The following HEATR5B variants were observed in gnomAD, a reference collection of about 807,000 sequenced individuals.
HEATR5B encodes the protein HEAT repeat-containing protein 5B.
A neutral mutation model predicts 224.1 loss-of-function variants in HEATR5B; 156 were observed. That is an observed-to-expected ratio of 0.70 (90% CI 0.61 to 0.80). The LOEUF (loss-of-function observed/expected upper bound fraction) is 0.80, where lower values mean the gene tolerates loss of function less well. Ranked by LOEUF, HEATR5B falls within the 30% of genes least tolerant of loss-of-function variation. The pLI, the probability that HEATR5B is intolerant of heterozygous loss-of-function variation, is 0.00. For synonymous variants in HEATR5B, 1,027 were observed against 893.0 expected (o/e 1.15, Z -2.68); for missense variants, 2,323 against 2,535.5 (o/e 0.92, Z 1.80).
intron 21 of HEATR5B, among the ~76,000 whole-genome samples, chr2:37,034,287 T>C (rs1454193977): frequency 6.8e-6 from 1 of 147,154 alleles, no homozygotes; most frequent in Non-Finnish European, 1.5e-5. Context: ...ATTACAGGCG[T>C]GAGCCACCGC....
intron 18 of HEATR5B, among the ~76,000 whole-genome samples, chr2:37,047,177 CA>C (rs531378377): frequency 8.0e-4 from 109 of 136,552 alleles, no homozygotes; most frequent in Admixed American, 8.2e-4. Flanking sequence ...GATCCCATCT[CA>C]AAAAAAAAAA....
chr2:36,994,852 G>T (rs1265073919), intron 33 of HEATR5B, among the ~76,000 whole-genome samples: 1 of 151,472 alleles, frequency 6.6e-6, no homozygotes, highest in Non-Finnish European at 1.5e-5. Flanking sequence ...CCGGGTTCAC[G>T]CCATGCTCCT....
At chr2:37,008,409 C>T in intron 28 of HEATR5B, 1 of 591,212 alleles carries the variant, frequency 1.7e-6, no homozygotes, top group African/African-American at 1.9e-5. Context: ...AATATGTTTG[C>T]TTCAGCCAAC....
At chr2:37,042,392 GCACCAAGAAGGA>G (rs1178353474) in intron 18 of HEATR5B, among the ~76,000 whole-genome samples, 2 of 152,104 alleles carry the variant, frequency 1.3e-5, no homozygotes, top group Non-Finnish European at 2.9e-5. Flanking sequence ...CTAGTTTTAG[GCACCAAGAAGGA>G]TAAGAACATC....
intron 5 of HEATR5B, among the ~76,000 whole-genome samples, chr2:37,073,161 A>AC: frequency 6.6e-6 from 1 of 152,296 alleles, no homozygotes; most frequent in East Asian, 1.9e-4. Context: ...GAAACTACAT[A>AC]CCCATATCCC....
intron 12 of HEATR5B, among the ~76,000 whole-genome samples, chr2:37,059,432 G>C (rs866731971): frequency 1.2e-5 from 1 of 82,178 alleles, no homozygotes; most frequent in Admixed American, 1.3e-4. Context: ...GTGTGTGTGT[G>C]TGTGTGTGTG....
At chr2:36,985,606 T>G (rs527688137) in intron 35 of HEATR5B, among the ~76,000 whole-genome samples, 1 of 147,780 alleles carries the variant, frequency 6.8e-6, no homozygotes, top group Non-Finnish European at 1.5e-5. Context: ...TACAGGCATG[T>G]GCCACCACTC....
At chr2:36,994,755 ATTTAT>A (rs1666574545) in intron 33 of HEATR5B, among the ~76,000 whole-genome samples, 2 of 150,592 alleles carry the variant, frequency 1.3e-5, no homozygotes, top group Non-Finnish European at 3.0e-5. Context: ...ACAAATTCTT[ATTTAT>A]TTATTTTTTG....
At chr2:37,075,713 T>C (rs934169500) in intron 4 of HEATR5B, 79 bp from the exon 5 acceptor site, 2 of 1,110,654 alleles carry the variant, frequency 1.8e-6, no homozygotes, top group African/African-American at 3.2e-5. Context: ...ACAAAAGTTC[T>C]TTGGGTCTAA....
intron 7 of HEATR5B, among the ~76,000 whole-genome samples, 173 bp from the exon 8 acceptor site, chr2:37,069,103 T>C (rs1441645925): frequency 2.6e-5 from 4 of 152,244 alleles, no homozygotes; most frequent in African/African-American, 7.2e-5. Flanking sequence ...ATACGAATTA[T>C]TAGTGAAGTA....
chr2:37,048,672 T>C (rs774121932), intron 18 of HEATR5B, among the ~76,000 whole-genome samples: 1 of 152,132 alleles, frequency 6.6e-6, no homozygotes, highest in African/African-American at 2.4e-5. Context: ...TGGCAAATAT[T>C]TGGAAAGAGG....
intron 22 of HEATR5B, among the ~76,000 whole-genome samples, chr2:37,032,032 C>T (rs1414642099): frequency 6.6e-6 from 1 of 152,140 alleles, no homozygotes; most frequent in African/African-American, 2.4e-5. Context: ...TGCTACCAAA[C>T]ATCTACTGAC....
Position 37,060,624 on chromosome 2 carries a change from A to G in HEATR5B, c.1806T>C (p.Phe602=), listed in dbSNP as rs978504446. 5 of 1,613,976 alleles carry G rather than the reference A, an allele frequency of 3.1e-6. No individual in the cohort carries two copies. The highest frequency in any genetic ancestry group is 1.3e-5 in the African/African-American group (1 of 75,050). The change falls in exon 12 of 36, where the codon TTT becomes TTC. Residue 602 remains phenylalanine, a synonymous_variant. Coordinates refer to ENST00000233099, the MANE Select transcript of HEATR5B (RefSeq NM_019024.3). ...GACCTTCCAAAGTTACCTGCCAGGT[A>G]AAAGAATCGCCTCGGGCCTTCTCAG... is the stretch of plus-strand genomic sequence containing the variant. ...LEAEKARGDS[F]TWQVTLEGRA... is the part of the protein sequence containing the mutation.
chr2:37,084,153 C>G (rs1475104636), intron 1 of HEATR5B, 116 bp downstream of exon 1: 1 of 208,276 alleles, frequency 4.8e-6, no homozygotes, highest in Non-Finnish European at 9.5e-6. Flanking sequence ...GAACTAAGCA[C>G]GGAGCCAGAA....
Position 36,988,712 on chromosome 2 carries a change from G to C in HEATR5B, c.5845C>G (p.Leu1949Val), listed in dbSNP as rs765893925. ...ERNRPASNIELLAVQEGIKVL... is the reference protein window; with the variant it reads ...ERNRPASNIEVLAVQEGIKVL... ...TTTATTCCTTCTTGAACCGCTAAAA[G>C]CTCTATGTTACTGGCTGGTCTGTTT... The change falls in exon 35 of 36, where the codon CTT (leucine) becomes GTT (valine). Residue 1949 changes from leucine (L) to valine (V), a missense_variant. Transcript: ENST00000233099. The C allele has an allele frequency of 2.5e-6, 4 of 1,614,076 alleles. No individual in the cohort carries two copies. Among genetic ancestry groups the C allele is most frequent in the Admixed American group, 3.3e-5 (2 of 60,000 alleles).
At chr2:37,021,886 CAAAA>C (rs3080799) in intron 24 of HEATR5B, among the ~76,000 whole-genome samples, 4 of 126,472 alleles carry the variant, frequency 3.2e-5, no homozygotes, top group African/African-American at 2.9e-5. Context: ...GACCCTGTTT[CAAAA>C]AAAAAAAAAA....
intron 26 of HEATR5B, among the ~76,000 whole-genome samples, chr2:37,018,502 A>G (rs1450936153): frequency 6.6e-6 from 1 of 152,200 alleles, no homozygotes; most frequent in Admixed American, 6.5e-5. Flanking sequence ...CTGTCCGTGG[A>G]AAGAGTTAAT....
At chr2:36,983,471 G>C (rs750704896) in intron 35 of HEATR5B, among the ~76,000 whole-genome samples, 1 of 151,572 alleles carries the variant, frequency 6.6e-6, no homozygotes, top group Admixed American at 6.6e-5. Context: ...TCTGGAAGGC[G>C]GAGGTTGTGG....
intron 22 of HEATR5B, among the ~76,000 whole-genome samples, chr2:37,031,306 T>A (rs931579555): frequency 2.0e-5 from 3 of 152,284 alleles, no homozygotes; most frequent in African/African-American, 7.2e-5. Context: ...AACATACTCA[T>A]TTGTAAAAGC....
Sources: gnomAD v4.1 joint callset for allele counts (sites outside exome capture counted in the v4.1 genomes callset) on GRCh38, gnomAD v4.1.1 for gene constraint, MANE v1.5 for transcripts, NCBI Gene and HGNC (gene_info 2026-07-23, HGNC 2026-07-21) for gene names.